SLC16A2: variants seen among roughly 807,000 people sequenced by gnomAD.
The protein encoded by SLC16A2 is monocarboxylate transporter 8.
In SLC16A2, 3 loss-of-function variants were observed where a neutral mutation model predicts 27.2. That is an observed-to-expected ratio of 0.11 (90% CI 0.05 to 0.28). The LOEUF is 0.28. Among genes scored for constraint, SLC16A2 ranks in the 10% least tolerant of loss-of-function variants. SLC16A2 has a pLI of 1.00. For synonymous variants in SLC16A2, 202 were observed against 187.8 expected (o/e 1.08, Z -0.62); for missense variants, 295 against 458.5 (o/e 0.64, Z 3.26).
chrX:74,496,274 ACG>A (rs1284403869), intron 1 of SLC16A2, among the ~76,000 whole-genome samples: 21 of 38,879 alleles, frequency 5.4e-4, no homozygotes, highest in African/African-American at 8.3e-4. Flanking sequence ...ACACACACAC[ACG>A]CACACACACA....
At chrX:74,432,243 G>A (rs1928548009) in intron 1 of SLC16A2, among the ~76,000 whole-genome samples, 1 of 111,169 alleles carries the variant, frequency 9.0e-6, no homozygotes, top group South Asian at 3.8e-4. Flanking sequence ...AATAAGGAAA[G>A]GGATATTTAG....
chrX:74,453,058 T>G (rs1484185934), intron 1 of SLC16A2, among the ~76,000 whole-genome samples: 1 of 108,355 alleles, frequency 9.2e-6, no homozygotes, highest in Non-Finnish European at 1.9e-5. Context: ...GTTGCTTTTT[T>G]TTTTTTTTAG....
intron 4 of SLC16A2, among the ~76,000 whole-genome samples, chrX:74,527,373 T>C (rs1162097768): frequency 8.9e-6 from 1 of 112,813 alleles, no homozygotes; most frequent in African/African-American, 3.2e-5. Flanking sequence ...GATGAACTTC[T>C]TTCTCTTGAG....
chrX:74,464,325 GA>G (rs1929211952), intron 1 of SLC16A2, among the ~76,000 whole-genome samples: 1 of 112,031 alleles, frequency 8.9e-6, no homozygotes, highest in South Asian at 3.7e-4. Context: ...ACTGACTTGG[GA>G]AATGTTGCAT....
chrX:74,528,436 G>A lies in SLC16A2; in HGVS notation c.1171-777G>A, dbSNP rs767551853. 2.7e-5 allele frequency among the ~76,000 whole-genome samples: 3 copies of A among 111,042 alleles called. No individual in the cohort carries two copies. In the South Asian group the frequency reaches 1.1e-3, roughly 43 times the overall value. On this transcript the variant is annotated intron_variant, in intron 4 of 5. Transcript: ENST00000587091. ...AGTTTCTTCATTTTGGAGTCATTTT[G>A]CTTAGCCCAGAGAAAGCCCAGTGGC... is the stretch of plus-strand genomic sequence containing the variant.
chrX:74,529,216 C>G lies in SLC16A2; in HGVS notation c.1174C>G (p.Leu392Val). ...PGLKKIYLQVLSFLLLGLMSM... is the reference protein window; with the variant it reads ...PGLKKIYLQVVSFLLLGLMSM... ...CCTCAGGCCCTTGTTTCTCCAGGTC[C>G]TTTCCTTCCTGCTCCTGGGCCTGAT... The change falls in exon 5 of 6, where the codon CTT (leucine) becomes GTT (valine). Residue 392 changes from leucine (L) to valine (V), a missense_variant. Around this residue, in one of 3 missense-constraint regions of SLC16A2, gnomAD observed 144 missense variants for 219.8 expected, o/e 0.66. Transcript: ENST00000587091. 1 of 1,208,733 alleles carries G rather than the reference C, an allele frequency of 8.3e-7. No individual in the cohort carries two copies. Among genetic ancestry groups the G allele is most frequent in the East Asian group, 3.0e-5 (1 of 33,830 alleles).
intron 1 of SLC16A2, among the ~76,000 whole-genome samples, chrX:74,502,914 T>C (rs772895621): frequency 9.1e-6 from 1 of 110,444 alleles, no homozygotes; most frequent in Admixed American, 9.7e-5. Flanking sequence ...TCCCTTTACA[T>C]GTGTGTTAGC....
chrX:74,452,944 T>C (rs1398367993), intron 1 of SLC16A2, among the ~76,000 whole-genome samples: 1 of 111,463 alleles, frequency 9.0e-6, no homozygotes, highest in Non-Finnish European at 1.9e-5. Context: ...ATCTCACAAC[T>C]TGGTACTCAT....
chrX:74,489,229 A>C (rs1929779319), intron 1 of SLC16A2, among the ~76,000 whole-genome samples: 1 of 111,948 alleles, frequency 8.9e-6, no homozygotes, highest in African/African-American at 3.2e-5. Context: ...TGTTTCCTTA[A>C]GTAACAAACT....
intron 1 of SLC16A2, among the ~76,000 whole-genome samples, chrX:74,497,558 G>C (rs1478973180): frequency 9.2e-6 from 1 of 108,866 alleles, no homozygotes; most frequent in Non-Finnish European, 1.9e-5. Context: ...TAAAGCTTCA[G>C]TGGTTTTTCC....
chrX:74,493,112 A>G lies in SLC16A2; in HGVS notation c.431-27878A>G, dbSNP rs147402176. On this transcript the variant is annotated intron_variant, in intron 1 of 5. Coordinates refer to ENST00000587091, the MANE Select transcript of SLC16A2 (RefSeq NM_006517.5). Reference sequence around the variant, plus strand: ...TCTGAATCCCACCTCCCAGGCCACCAGGAGGCAGTCATGTTCACAATAGTG... The same window carrying G: ...TCTGAATCCCACCTCCCAGGCCACCGGGAGGCAGTCATGTTCACAATAGTG... Among the ~76,000 whole-genome samples, 1,101 of 111,868 alleles carry G rather than the reference A, an allele frequency of 9.8e-3. 15 individuals are homozygous for G. Among genetic ancestry groups the G allele is most frequent in the African/African-American group, 0.034 (1,053 of 30,771 alleles).
At chrX:74,438,580 A>G (rs1293742858) in intron 1 of SLC16A2, among the ~76,000 whole-genome samples, 1 of 112,339 alleles carries the variant, frequency 8.9e-6, no homozygotes, top group Non-Finnish European at 1.9e-5. Flanking sequence ...CTTCTCTCAC[A>G]CACGTACACC....
At position 74,524,894 on chromosome X, in the gene SLC16A2, A is replaced by G. The variant is rs1478804610; in HGVS notation, c.1026+85A>G. The G allele has an allele frequency of 3.7e-6, 3 of 820,160 alleles. No homozygotes were observed. In the East Asian group the frequency reaches 9.6e-5, roughly 26 times the overall value. 67.6% of individuals were successfully genotyped at this position (820,160 alleles called of 1,213,427 possible). On this transcript the variant is annotated intron_variant, in intron 3 of 5. Transcript: ENST00000587091. ...CTAGATTCCAGAGGGTGGGGGTGGG[A>G]GACATTGAAAGGGCAGAGCTGGGAC... is the stretch of plus-strand genomic sequence containing the variant.
At chrX:74,461,957 C>T (rs186831318) in intron 1 of SLC16A2, among the ~76,000 whole-genome samples, 84 of 111,449 alleles carry the variant, frequency 7.5e-4, no homozygotes, top group Non-Finnish European at 1.1e-3. Context: ...GCTGTGGCCA[C>T]CACTCTCTCC....
At chrX:74,486,390 T>A (rs1056216367) in intron 1 of SLC16A2, among the ~76,000 whole-genome samples, 2 of 112,511 alleles carry the variant, frequency 1.8e-5, no homozygotes, top group African/African-American at 6.5e-5. Flanking sequence ...ACTTGTTTTA[T>A]CAGCTGTTTA....
chrX:74,522,697 T>C (rs993425561), intron 2 of SLC16A2, among the ~76,000 whole-genome samples: 4 of 112,021 alleles, frequency 3.6e-5, no homozygotes, highest in Non-Finnish European at 1.9e-5. Context: ...AGCTCAGATG[T>C]GGTGTTTTCT....
At chrX:74,438,325 A>G (rs1928662908) in intron 1 of SLC16A2, among the ~76,000 whole-genome samples, 1 of 113,031 alleles carries the variant, frequency 8.8e-6, no homozygotes, top group African/African-American at 3.2e-5. Flanking sequence ...GATGGATGTG[A>G]AAGCCCTTTG....
Position 74,421,871 on chromosome X carries a change from G to A in SLC16A2, c.234G>A (p.Glu78=). ...AGTCCGAGCGGGTGCACGAACCCGAGCCCACGCCTACGGTAGAGACCCGCG... is the reference window on the plus strand; with the variant it reads ...AGTCCGAGCGGGTGCACGAACCCGAACCCACGCCTACGGTAGAGACCCGCG... ...EFESERVHEP[E]PTPTVETRGT... The change falls in exon 1 of 6, where the codon GAG becomes GAA. Residue 78 remains glutamate (E), a synonymous_variant. Transcript: ENST00000587091. 4.1e-6 allele frequency: 5 copies of A among 1,209,185 alleles called. No homozygotes were observed. Among genetic ancestry groups the A allele is most frequent in the Non-Finnish European group, 5.6e-6 (5 of 894,369 alleles).
At chrX:74,469,879 A>T (rs1929322995) in intron 1 of SLC16A2, among the ~76,000 whole-genome samples, 1 of 111,826 alleles carries the variant, frequency 8.9e-6, no homozygotes, top group South Asian at 3.8e-4. Context: ...CTTGGTGTAC[A>T]TTCTATAAGT....
Sources: allele counts gnomAD v4.1 joint callset (sites outside exome capture counted in the v4.1 genomes callset), GRCh38; gene constraint gnomAD v4.1.1; regional missense constraint gnomAD v4.1.1; transcripts MANE v1.5; gene names NCBI Gene and HGNC (gene_info 2026-07-23, HGNC 2026-07-21).